Variants in WWOX observed in about 807,000 individuals in gnomAD.
The protein encoded by WWOX is WW domain-containing oxidoreductase.
WWOX carries 69 observed loss-of-function variants against 46.2 expected under a neutral mutation model. The ratio of observed to expected loss-of-function variants is 1.49; its 90% confidence interval spans 1.23 to 1.82. The LOEUF (loss-of-function observed/expected upper bound fraction) is 1.82, where lower values mean the gene tolerates loss of function less well. Ranked by LOEUF, WWOX falls within the 40% of genes most tolerant of loss-of-function variation. The pLI is 0.00. For missense variants in WWOX, 919 were observed against 542.6 expected (o/e 1.69, Z -6.89); for synonymous variants, 359 against 202.6 (o/e 1.77, Z -6.56).
intron 8 of WWOX, among the ~76,000 whole-genome samples, chr16:78,497,973 T>A (rs2738731): frequency 6.6e-6 from 1 of 151,526 alleles, no homozygotes; most frequent in African/African-American, 2.4e-5. Context: ...GAGGCCGAGG[T>A]GGGCGGATCA....
intron 6 of WWOX, among the ~76,000 whole-genome samples, chr16:78,393,428 G>A (rs1012801996): frequency 6.6e-6 from 1 of 152,138 alleles, no homozygotes; most frequent in Non-Finnish European, 1.5e-5. Flanking sequence ...GGAGGCCAAG[G>A]TGAGAGGATT....
intron 5 of WWOX, among the ~76,000 whole-genome samples, chr16:78,259,061 A>G (rs961902138): frequency 6.6e-6 from 1 of 152,224 alleles, no homozygotes; most frequent in East Asian, 1.9e-4. Flanking sequence ...CCACGTTAAT[A>G]AAAGAAGCAC....
rs150514749 is a variant in WWOX, at chr16:78,452,928, C to T, written c.1056+20176C>T. Reference sequence around the variant, plus strand: ...TACTCTGTTGCCCAGGCTAAAGTACCATGTCAAGATTATGGCTCACTGCAG... The same window carrying T: ...TACTCTGTTGCCCAGGCTAAAGTACTATGTCAAGATTATGGCTCACTGCAG... On this transcript the variant is annotated intron_variant, in intron 8 of 8. Coordinates refer to ENST00000566780, the MANE Select transcript of WWOX (RefSeq NM_016373.4). Among the ~76,000 whole-genome samples the T allele has an allele frequency of 1.2e-4, 17 of 143,706 alleles. No homozygotes were observed. The East Asian group carries it at 3.5e-3, about 30-fold the overall frequency. 94.3% of individuals were successfully genotyped at this position (143,706 alleles called of 152,430 possible).
chr16:78,907,785 A>G (rs180876502), intron 8 of WWOX, among the ~76,000 whole-genome samples: 6 of 152,286 alleles, frequency 3.9e-5, no homozygotes, highest in African/African-American at 1.4e-4. Flanking sequence ...CAGATCTAGA[A>G]ATGTAATGGA....
chr16:78,682,749 T>C (rs1377703699), intron 8 of WWOX, among the ~76,000 whole-genome samples: 1 of 152,130 alleles, frequency 6.6e-6, no homozygotes, highest in Non-Finnish European at 1.5e-5. Flanking sequence ...TAAAGAAAGG[T>C]ATTTCTCCCC....
chr16:79,089,618 C>G (rs374731716), intron 8 of WWOX, among the ~76,000 whole-genome samples: 168 of 152,290 alleles, frequency 1.1e-3, no homozygotes, highest in African/African-American at 4.0e-3. Flanking sequence ...GCATGAGCCA[C>G]CACGCCCTGC....
At chr16:78,586,035 C>T (rs2045196169) in intron 8 of WWOX, among the ~76,000 whole-genome samples, 1 of 151,280 alleles carries the variant, frequency 6.6e-6, no homozygotes, top group African/African-American at 2.4e-5. Flanking sequence ...TCATCTCTAC[C>T]AAAAAACAAC....
At chr16:78,231,572 T>G (rs1027664277) in intron 5 of WWOX, among the ~76,000 whole-genome samples, 1 of 152,226 alleles carries the variant, frequency 6.6e-6, no homozygotes, top group South Asian at 2.1e-4. Flanking sequence ...ATGCTTAAAT[T>G]CAGTTTCTTT....
intron 8 of WWOX, among the ~76,000 whole-genome samples, chr16:78,623,071 T>G (rs184011844): frequency 6.6e-6 from 1 of 152,032 alleles, no homozygotes; most frequent in East Asian, 1.9e-4. Flanking sequence ...TGAAGGTGAT[T>G]GACCATCCCC....
intron 5 of WWOX, among the ~76,000 whole-genome samples, chr16:78,335,384 T>G (rs1223406396): frequency 6.6e-6 from 1 of 152,142 alleles, no homozygotes; most frequent in Non-Finnish European, 1.5e-5. Context: ...AGTGTTTGGT[T>G]TTCAGTTTCT....
At chr16:78,522,428 A>G (rs1463521870) in intron 8 of WWOX, among the ~76,000 whole-genome samples, 1 of 152,116 alleles carries the variant, frequency 6.6e-6, no homozygotes, top group Non-Finnish European at 1.5e-5. Flanking sequence ...CTCTGTTTGC[A>G]CAGTAGTCAC....
intron 8 of WWOX, among the ~76,000 whole-genome samples, chr16:79,168,347 C>T (rs56306127): frequency 0.066 from 10,062 of 152,208 alleles, 1,143 homozygotes; most frequent in African/African-American, 0.23. Flanking sequence ...TACAGAAAAT[C>T]TCTGCTTTTA....
chr16:78,954,566 A>C (rs1396326608), intron 8 of WWOX, among the ~76,000 whole-genome samples: 1 of 152,182 alleles, frequency 6.6e-6, no homozygotes, highest in Admixed American at 6.5e-5. Flanking sequence ...GTGGAGCAGC[A>C]GCGAAGGCCA....
At chr16:79,193,701 G>A (rs962954357) in intron 8 of WWOX, among the ~76,000 whole-genome samples, 1 of 152,192 alleles carries the variant, frequency 6.6e-6, no homozygotes, top group Non-Finnish European at 1.5e-5. Flanking sequence ...GATCCCACTG[G>A]TTTGGAGGAA....
intron 8 of WWOX, among the ~76,000 whole-genome samples, chr16:79,119,684 C>G (rs2049588700): frequency 6.6e-6 from 1 of 152,220 alleles, no homozygotes; most frequent in Non-Finnish European, 1.5e-5. Flanking sequence ...GCCGGGAGGA[C>G]AGTATGCTTT....
At chr16:79,076,504 A>C (rs941164394) in intron 8 of WWOX, among the ~76,000 whole-genome samples, 1 of 152,212 alleles carries the variant, frequency 6.6e-6, no homozygotes, top group Non-Finnish European at 1.5e-5. Flanking sequence ...TGTCCGGTGC[A>C]TCCTCCGTGC....
At chr16:78,790,217 A>G (rs1023401734) in intron 8 of WWOX, among the ~76,000 whole-genome samples, 3 of 152,060 alleles carry the variant, frequency 2.0e-5, no homozygotes, top group African/African-American at 7.2e-5. Context: ...GCTCACTGCA[A>G]CCTGCTTCCT....
chr16:79,074,409 CTTTTTTTTTTTTTTTTTT>C (rs60074156), intron 8 of WWOX, among the ~76,000 whole-genome samples: 7 of 30,988 alleles, frequency 2.3e-4, no homozygotes, highest in South Asian at 1.8e-3. Flanking sequence ...GTCACTAGTC[CTTTTTTTTTTTTTTTTTT>C]TTTTTTTTTT....
intron 8 of WWOX, among the ~76,000 whole-genome samples, chr16:78,902,817 C>G (rs1259516637): frequency 6.6e-6 from 1 of 152,154 alleles, no homozygotes; most frequent in African/African-American, 2.4e-5. Context: ...CAGGCTTAGC[C>G]TTAGTGGGCC....
Sources: allele counts gnomAD v4.1 joint callset (sites outside exome capture counted in the v4.1 genomes callset), GRCh38; gene constraint gnomAD v4.1.1; transcripts MANE v1.5; gene names NCBI Gene and HGNC (gene_info 2026-07-23, HGNC 2026-07-21).